The following GMDS variants were observed in gnomAD, a reference collection of about 807,000 sequenced individuals.
The protein encoded by GMDS is GDP-mannose 4,6-dehydratase.
In GMDS, 20 loss-of-function variants were observed where a neutral mutation model predicts 49.9. The ratio of observed to expected loss-of-function variants is 0.40; its 90% CI spans 0.28 to 0.58. The LOEUF is 0.58. GMDS is among the 20% of genes least tolerant of loss of function. The pLI is 0.42. For missense variants in GMDS, 362 were observed against 481.4 expected (o/e 0.75, Z 2.32); for synonymous variants, 177 against 178.6 (o/e 0.99, Z 0.07).
At chr6:2,157,506 G>GTAGAA (rs2127542527) in intron 1 of GMDS, among the ~76,000 whole-genome samples, 1 of 152,288 alleles carries the variant, frequency 6.6e-6, no homozygotes, top group South Asian at 2.1e-4. Flanking sequence ...GCTGACCTGA[G>GTAGAA]TAGAAAAGAT....
chr6:2,038,439 G>A (rs1581555631), intron 4 of GMDS, among the ~76,000 whole-genome samples: 1 of 152,136 alleles, frequency 6.6e-6, no homozygotes, highest in African/African-American at 2.4e-5. Flanking sequence ...TCACACTGTC[G>A]ACTTTAGCCT....
chr6:2,209,570 T>TACACACAC (rs61216869), intron 1 of GMDS, among the ~76,000 whole-genome samples: 2,667 of 135,940 alleles, frequency 0.02, 34 homozygotes, highest in Middle Eastern at 0.036. Context: ...CACATACACA[T>TACACACAC]ACACACACAC....
intron 1 of GMDS, among the ~76,000 whole-genome samples, chr6:2,228,872 A>G (rs1052317498): frequency 1.3e-5 from 2 of 152,216 alleles, no homozygotes; most frequent in Non-Finnish European, 2.9e-5. Flanking sequence ...AGTGAGTAAA[A>G]TAAGGCTCCA....
intron 4 of GMDS, among the ~76,000 whole-genome samples, chr6:2,110,595 A>G (rs1229398176): frequency 6.6e-6 from 1 of 151,968 alleles, no homozygotes; most frequent in Non-Finnish European, 1.5e-5. Flanking sequence ...GAGTGTTCAG[A>G]CTCAACCCCC....
At chr6:1,722,780 C>T (rs1766430852) in intron 9 of GMDS, among the ~76,000 whole-genome samples, 1 of 152,190 alleles carries the variant, frequency 6.6e-6, no homozygotes. Flanking sequence ...TAAGAATGAA[C>T]ACACAATGCA....
chr6:2,167,861 A>T (rs1777746234), intron 1 of GMDS, among the ~76,000 whole-genome samples: 1 of 152,232 alleles, frequency 6.6e-6, no homozygotes, highest in Non-Finnish European at 1.5e-5. Flanking sequence ...CCATGGGAAC[A>T]ACATTCCTCT....
At chr6:1,866,327 G>A (rs1349862606) in intron 7 of GMDS, among the ~76,000 whole-genome samples, 7 of 152,160 alleles carry the variant, frequency 4.6e-5, no homozygotes, top group African/African-American at 1.2e-4. Flanking sequence ...TGTATCAAGC[G>A]TACTTAGCGA....
intron 4 of GMDS, among the ~76,000 whole-genome samples, chr6:2,115,428 C>CT (rs1263679356): frequency 6.6e-6 from 1 of 152,218 alleles, no homozygotes; most frequent in Non-Finnish European, 1.5e-5. Flanking sequence ...TACTTAGTTA[C>CT]ATCTTCCAAC....
At chr6:1,818,425 T>C (rs1352715357) in intron 7 of GMDS, among the ~76,000 whole-genome samples, 1 of 151,982 alleles carries the variant, frequency 6.6e-6, no homozygotes, top group Non-Finnish European at 1.5e-5. Context: ...CTGGCCAACA[T>C]GGTGAAACCC....
intron 7 of GMDS, among the ~76,000 whole-genome samples, chr6:1,883,263 C>A (rs1178432970): frequency 2.0e-5 from 3 of 151,958 alleles, no homozygotes; most frequent in Non-Finnish European, 4.4e-5. Flanking sequence ...TGGTGAGGCA[C>A]GCCTACAATC....
At chr6:1,639,013 G>C (rs534488252) in intron 9 of GMDS, among the ~76,000 whole-genome samples, 34 of 152,328 alleles carry the variant, frequency 2.2e-4, no homozygotes, top group African/African-American at 7.9e-4. Context: ...CAGCCCAGAA[G>C]CTCAAGGTCA....
chr6:2,221,922 C>T (rs540441925), intron 1 of GMDS, among the ~76,000 whole-genome samples: 29 of 152,150 alleles, frequency 1.9e-4, no homozygotes, highest in Non-Finnish European at 1.5e-4. Flanking sequence ...TTTAAGAAGC[C>T]GCCAGGTCAG....
intron 9 of GMDS, among the ~76,000 whole-genome samples, chr6:1,644,874 C>T (rs1763438696): frequency 6.6e-6 from 1 of 152,064 alleles, no homozygotes; most frequent in East Asian, 1.9e-4. Flanking sequence ...AGTAACTTGC[C>T]CAGAGTCACG....
At chr6:2,105,241 T>C (rs1323892367) in intron 4 of GMDS, among the ~76,000 whole-genome samples, 3 of 150,656 alleles carry the variant, frequency 2.0e-5, no homozygotes, top group Non-Finnish European at 4.4e-5. Flanking sequence ...TCCTAATATT[T>C]AATATAAAGC....
chr6:1,872,174 A>G (rs1347067518), intron 7 of GMDS, among the ~76,000 whole-genome samples: 1 of 152,196 alleles, frequency 6.6e-6, no homozygotes, highest in Non-Finnish European at 1.5e-5. Context: ...CCACAGCACA[A>G]ACACTGGCCG....
chr6:1,689,063 T>C (rs912005955), intron 9 of GMDS, among the ~76,000 whole-genome samples: 2 of 152,230 alleles, frequency 1.3e-5, no homozygotes, highest in East Asian at 1.9e-4. Context: ...CTTTGGGCCA[T>C]AATAAGCACC....
rs747794849 is a variant in GMDS, at chr6:2,129,373, C to A, written c.103-4642G>T. The stretch of plus-strand genomic sequence containing the variant: ...TCTTCCAATACAGATGAATAAGTAG[C>A]CCAGACAGACAAACGAAAAGGGAAC... On this transcript the variant is annotated intron_variant, in intron 1 of 10. Transcript: ENST00000380815. 3.9e-5 allele frequency among the ~76,000 whole-genome samples: 6 copies of A among 152,108 alleles called. 1 individual carries two copies. The South Asian group carries it at 1.2e-3, about 32-fold the overall frequency.
chr6:1,671,955 G>A lies in GMDS; in HGVS notation c.988-47415C>T, dbSNP rs565831098. ...TAGGATTACAGGCGTGAACCACCGCGCCTGGCCTATTTTTAATTACTTTCT... is the reference window on the plus strand; with the variant it reads ...TAGGATTACAGGCGTGAACCACCGCACCTGGCCTATTTTTAATTACTTTCT... On this transcript the variant is annotated intron_variant, in intron 9 of 10. Transcript: ENST00000380815. 1.5e-4 allele frequency among the ~76,000 whole-genome samples: 23 copies of A among 152,120 alleles called. No homozygotes were observed. In the Middle Eastern group the frequency reaches 0.01, roughly 67 times the overall value.
intron 6 of GMDS, among the ~76,000 whole-genome samples, chr6:1,945,023 T>C (rs1228991070): frequency 1.3e-5 from 2 of 152,184 alleles, no homozygotes; most frequent in Non-Finnish European, 2.9e-5. Context: ...TTGCTAATTA[T>C]TGATTTGGAC....
Sources: allele counts gnomAD v4.1 joint callset (sites outside exome capture counted in the v4.1 genomes callset), GRCh38; gene constraint gnomAD v4.1.1; transcripts MANE v1.5; gene names NCBI Gene and HGNC (gene_info 2026-07-23, HGNC 2026-07-21).